The following MRS2 variants were observed in gnomAD, a reference collection of about 807,000 sequenced individuals.
MRS2 encodes magnesium transporter MRS2, also known as magnesium transporter MRS2 homolog, mitochondrial.
MRS2 carries 40 observed loss-of-function variants against 52.6 expected under a neutral mutation model. That is an observed-to-expected ratio of 0.76 (90% CI 0.59 to 0.99). The LOEUF (loss-of-function observed/expected upper bound fraction) is 0.99, where lower values mean the gene tolerates loss of function less well. Among genes scored for constraint, MRS2 ranks in the 50% least tolerant of loss-of-function variants. The pLI is 0.00. For synonymous variants in MRS2, 193 were observed against 195.9 expected (o/e 0.98, Z 0.13); for missense variants, 472 against 532.7 (o/e 0.89, Z 1.12).
chr6:24,405,861 T>G (rs1013587515), intron 2 of MRS2, among the ~76,000 whole-genome samples: 1 of 149,770 alleles, frequency 6.7e-6, no homozygotes, highest in Non-Finnish European at 1.5e-5. Context: ...ATTCCAACAC[T>G]TTGGGAGGCC....
chr6:24,417,946 A>G, intron 7 of MRS2, 138 bp from the exon 8 acceptor site: 1 of 667,448 alleles, frequency 1.5e-6, no homozygotes, highest in Admixed American at 3.7e-5. Flanking sequence ...ATCTCAAAAA[A>G]AAAAAAAGAC....
rs540963185 is a variant in MRS2 at position 24,406,001 on chromosome 6, A to T, written c.264+760A>T. On this transcript the variant is annotated intron_variant, in intron 2 of 10. Coordinates refer to ENST00000378386, the MANE Select transcript of MRS2 (RefSeq NM_020662.4). ...GCGCCTGTAGTCCCAGCTACTTGGGAGGCTGAGGCAGGAGAATGGCATGAA... is the reference window on the plus strand; with the variant it reads ...GCGCCTGTAGTCCCAGCTACTTGGGTGGCTGAGGCAGGAGAATGGCATGAA... Among the ~76,000 whole-genome samples the T allele has an allele frequency of 4.7e-5, 7 of 150,294 alleles. 1 individual carries two copies. The South Asian group carries it at 1.3e-3, about 27-fold the overall frequency.
chr6:24,416,699 A>G (rs192805834), intron 7 of MRS2, among the ~76,000 whole-genome samples, 186 bp downstream of exon 7: 2 of 152,166 alleles, frequency 1.3e-5, no homozygotes, highest in Non-Finnish European at 2.9e-5. Flanking sequence ...TTCTATGAGT[A>G]TGCATACTGC....
rs145494145 is a variant in MRS2 at position 24,423,026 on chromosome 6, G to A, written c.1197G>A (p.Gln399=). ...WRRLLSFLGR[Q]LEAPLPPMMA... ...GCCTGCTTTCATTCCTTGGACGACA[G>A]CTAGAAGCTCCATTGCCTCCTATGG... is the stretch of plus-strand genomic sequence containing the variant. Residue 399 remains glutamine, a synonymous_variant, in exon 10 of 11, where the codon CAG becomes CAA. Transcript: ENST00000378386. 1.3e-4 allele frequency: 215 copies of A among 1,613,998 alleles called. 2 individuals carry two copies. In the African/African-American group the frequency reaches 2.5e-3, roughly 19 times the overall value.
intron 6 of MRS2, among the ~76,000 whole-genome samples, chr6:24,415,695 A>T (rs191550320): frequency 6.6e-6 from 1 of 152,242 alleles, no homozygotes. Flanking sequence ...AGTCTGTTCT[A>T]TATTATCACT....
chr6:24,407,789 G>A (rs1015477485), intron 2 of MRS2, among the ~76,000 whole-genome samples: 1 of 152,124 alleles, frequency 6.6e-6, no homozygotes, highest in Non-Finnish European at 1.5e-5. Flanking sequence ...GTAGTGTTAG[G>A]TGTTTCCTCT....
In MRS2 at chr6:24,418,198, T is replaced by C; in HGVS notation, c.951T>C (p.Ile317=). 1 of 1,612,748 alleles carries C rather than the reference T, an allele frequency of 6.2e-7. No homozygotes were observed. Among genetic ancestry groups the C allele is most frequent in the Non-Finnish European group, 8.5e-7 (1 of 1,179,480 alleles). Residue 317 remains isoleucine (I), a synonymous_variant, in exon 8 of 11, where the codon ATT becomes ATC. Coordinates refer to ENST00000378386, the MANE Select transcript of MRS2 (RefSeq NM_020662.4). Reference sequence around the variant, plus strand: ...CAGCTCGTGAGCTTAGGGTGCTGATTGATGATTCACAAAGTATTATTTTCA... The same window carrying C: ...CAGCTCGTGAGCTTAGGGTGCTGATCGATGATTCACAAAGTATTATTTTCA... The part of the protein sequence containing the change: ...SNAARELRVL[I]DDSQSIIFIN...
Position 24,418,245 on chromosome 6 carries a change from G to C in MRS2, c.989+9G>C. On this transcript the variant is annotated intron_variant, in intron 8 of 10. Transcript: ENST00000378386. ...TTCATTAATCTGGACAGGTAAGAAA[G>C]CATTATATAAAACTAAGTTTTTTTA... 4.5e-6 allele frequency: 7 copies of C among 1,566,158 alleles called. No homozygotes were observed. The highest frequency in any genetic ancestry group is 5.2e-6 in the Non-Finnish European group (6 of 1,162,744).
intron 4 of MRS2, chr6:24,410,786 G>A: frequency 6.6e-7 from 1 of 1,511,406 alleles, no homozygotes; most frequent in Non-Finnish European, 8.9e-7. Context: ...TCTCTTTCAT[G>A]GAGAGACAGA....
intron 6 of MRS2, 38 bp from the exon 7 acceptor site, chr6:24,416,359 T>C: frequency 1.2e-6 from 1 of 838,722 alleles, no homozygotes; most frequent in Non-Finnish European, 2.0e-6. Flanking sequence ...CTTATAAGTT[T>C]ATTCTATTGA....
Position 24,402,947 on chromosome 6 carries a change from A to G in MRS2, c.-100A>G. The G allele has an allele frequency of 8.8e-7, 1 of 1,131,508 alleles. No individual in the cohort carries two copies. Among genetic ancestry groups the G allele is most frequent in the Non-Finnish European group, 1.2e-6 (1 of 808,910 alleles). The allele number at this position is 1,131,508 out of a possible 1,614,324, so 70.1% of individuals were successfully genotyped here. A position where few individuals can be genotyped will look rare whatever the true frequency, so the allele number is the denominator to read the frequency against. ...CGCATGCCTGGTGCACAGAGTCTGC[A>G]GGTCGGGCGGTAGCGACAGGTCAGA... On this transcript the variant is annotated 5_prime_UTR_variant, in exon 1 of 11. Transcript: ENST00000378386.
chr6:24,421,004 C>G (rs1762025681), intron 9 of MRS2, among the ~76,000 whole-genome samples: 1 of 152,136 alleles, frequency 6.6e-6, no homozygotes, highest in Non-Finnish European at 1.5e-5. Context: ...AAGCAGAATA[C>G]CTTGTGCAAC....
chr6:24,409,176 AT>A (rs1358601444), intron 3 of MRS2, among the ~76,000 whole-genome samples: 3 of 152,354 alleles, frequency 2.0e-5, no homozygotes, highest in Admixed American at 2.0e-4. Flanking sequence ...AGAGCTGGAC[AT>A]TTATAGGTTC....
chr6:24,423,718 T>G lies in MRS2; in HGVS notation c.*24T>G. On this transcript the variant is annotated 3_prime_UTR_variant, in exon 11 of 11. Transcript: ENST00000378386. ...AGGAACAGCCCCGTGGATACTGAAG[T>G]TTTTTTTATGGTAGTTACAGGAAAC... 2 of 1,226,332 alleles carry G rather than the reference T, an allele frequency of 1.6e-6. No homozygotes were observed. Among genetic ancestry groups the G allele is most frequent in the Non-Finnish European group, 2.3e-6 (2 of 857,640 alleles). 76.0% of individuals were successfully genotyped at this position (1,226,332 alleles called of 1,614,324 possible). A position where few individuals can be genotyped will look rare whatever the true frequency, so the allele number is the denominator to read the frequency against.
chr6:24,414,718 G>C (rs988775276), intron 5 of MRS2, among the ~76,000 whole-genome samples: 14 of 152,262 alleles, frequency 9.2e-5, no homozygotes, highest in Middle Eastern at 3.4e-3. Context: ...CTTCCCAGAC[G>C]GGGCGGCCGG....
intron 4 of MRS2, among the ~76,000 whole-genome samples, chr6:24,409,938 A>G (rs1761597902): frequency 6.6e-6 from 1 of 152,242 alleles, no homozygotes; most frequent in African/African-American, 2.4e-5. Flanking sequence ...TGAGCTACCA[A>G]AAATGTATTC....
chr6:24,408,235 C>G (rs1447530363), intron 2 of MRS2, among the ~76,000 whole-genome samples, 173 bp from the exon 3 acceptor site: 1 of 152,146 alleles, frequency 6.6e-6, no homozygotes, highest in Non-Finnish European at 1.5e-5. Context: ...TAAAAAAACC[C>G]TTAACTCATA....
intron 2 of MRS2, 39 bp downstream of exon 2, chr6:24,405,280 G>C (rs759346782): frequency 6.9e-7 from 1 of 1,456,828 alleles, no homozygotes; most frequent in Non-Finnish European, 9.6e-7. Context: ...TACAGAAAGT[G>C]CTTCCCATAC....
At chr6:24,419,974 C>T (rs1321130450) in intron 9 of MRS2, among the ~76,000 whole-genome samples, 1 of 152,244 alleles carries the variant, frequency 6.6e-6, no homozygotes, top group East Asian at 1.9e-4. Context: ...CGAGTCTACT[C>T]TGTTGCCCAC....
Sources: gnomAD v4.1 joint callset for allele counts (sites outside exome capture counted in the v4.1 genomes callset) on GRCh38, gnomAD v4.1.1 for gene constraint, MANE v1.5 for transcripts, NCBI Gene and HGNC (gene_info 2026-07-23, HGNC 2026-07-21) for gene names.